The following STK32C variants were observed in gnomAD, a reference collection of about 807,000 sequenced individuals.
STK32C encodes serine/threonine-protein kinase 32C.
STK32C carries 31 observed loss-of-function variants against 56.5 expected under a neutral mutation model. The observed-to-expected ratio is 0.55, with a 90% CI of 0.41 to 0.74. STK32C has a LOEUF of 0.74. Among genes scored for constraint, STK32C ranks in the 30% least tolerant of loss-of-function variants. The pLI is 0.00. For missense variants in STK32C, 544 were observed against 676.9 expected (o/e 0.80, Z 2.18); for synonymous variants, 309 against 289.4 (o/e 1.07, Z -0.69).
chr10:132,250,052 C>G (rs1234371235), intron 1 of STK32C, among the ~76,000 whole-genome samples: 1 of 152,268 alleles, frequency 6.6e-6, no homozygotes, highest in African/African-American at 2.4e-5. Context: ...CAAGAGTGGT[C>G]CTGCAACCAC....
chr10:132,266,621 G>A (rs945079000), intron 1 of STK32C, among the ~76,000 whole-genome samples: 1 of 152,098 alleles, frequency 6.6e-6, no homozygotes, highest in Admixed American at 6.5e-5. Flanking sequence ...CCACGCCAAG[G>A]AGCCCTCAAT....
chr10:132,234,204 G>A (rs1288240888), intron 2 of STK32C, among the ~76,000 whole-genome samples: 3 of 152,148 alleles, frequency 2.0e-5, no homozygotes, highest in Admixed American at 6.5e-5. Context: ...TGCAGGATGT[G>A]CATAATCCGT....
chr10:132,253,124 G>A (rs900308533), intron 1 of STK32C, among the ~76,000 whole-genome samples: 1 of 152,244 alleles, frequency 6.6e-6, no homozygotes, highest in African/African-American at 2.4e-5. Flanking sequence ...CCTGTTCTCA[G>A]AGAGTTTTGC....
At chr10:132,236,901 G>A (rs752187654) in intron 2 of STK32C, among the ~76,000 whole-genome samples, 11 of 152,266 alleles carry the variant, frequency 7.2e-5, no homozygotes, top group South Asian at 2.1e-4. Flanking sequence ...TTGTGCCCCC[G>A]ACCTCCAAGT....
chr10:132,304,993 G>A (rs1019843925), intron 1 of STK32C, among the ~76,000 whole-genome samples: 10 of 152,194 alleles, frequency 6.6e-5, no homozygotes, highest in African/African-American at 9.7e-5. Context: ...GGAAGGTACC[G>A]GAGCCTCCTC....
chr10:132,231,221 G>A (rs1450527616), intron 2 of STK32C, among the ~76,000 whole-genome samples: 1 of 152,232 alleles, frequency 6.6e-6, no homozygotes, highest in Non-Finnish European at 1.5e-5. Flanking sequence ...CACACCCACG[G>A]CTCTGCTGTC....
At chr10:132,309,735 C>T (rs1387165471), upstream of STK32C, among the ~76,000 whole-genome samples, 1 of 152,188 alleles carries the variant, frequency 6.6e-6, no homozygotes, top group Non-Finnish European at 1.5e-5. Flanking sequence ...AGGGCAGTGC[C>T]TGGAACCCTG....
At chr10:132,331,532 A>G in exon 1 of STK32C, 1 of 1,612,920 alleles carries the variant, frequency 6.2e-7, no homozygotes, top group Non-Finnish European at 8.5e-7. Context: ...GCAAGTCCTG[A>G]GGCAAGATTT....
At chr10:132,313,776 A>G (rs1157452289) in intron 1 of STK32C, among the ~76,000 whole-genome samples, 1 of 150,556 alleles carries the variant, frequency 6.6e-6, no homozygotes, top group Non-Finnish European at 1.5e-5. Context: ...AGATTGAGGC[A>G]GGGAGTGGCA....
chr10:132,306,968 G>A (rs1239636464), intron 1 of STK32C: 1 of 152,344 alleles, frequency 6.6e-6, no homozygotes, highest in Admixed American at 6.5e-5. Context: ...CGGTCACTCA[G>A]GAGACACCAG....
chr10:132,208,111 C>A lies in STK32C; in HGVS notation c.1360G>T (p.Ala454Ser). The stretch of plus-strand genomic sequence containing the variant: ...TCCGCAGCATCCCTGGACTCAGGGG[C>A]GGGGAGAGGCTCCCTCGGGAGGTCC... ...SQDLPREPLPAPESRDAAEPV... is the reference protein window; with the variant it reads ...SQDLPREPLPSPESRDAAEPV... Residue 454 changes from alanine (A) to serine (S), a missense_variant, in exon 12 of 12, where the codon GCC (alanine) becomes TCC (serine). Ala to Ser is a moderately conservative substitution (Grantham distance 99). Coordinates refer to ENST00000298630, the MANE Select transcript of STK32C (RefSeq NM_173575.4). The A allele has an allele frequency of 7.6e-7, 1 of 1,310,908 alleles. No individual in the cohort carries two copies. The highest frequency in any genetic ancestry group is 9.8e-7 in the Non-Finnish European group (1 of 1,021,362). The allele number at this position is 1,310,908 out of a possible 1,614,324, so 81.2% of individuals were successfully genotyped here.
At chr10:132,220,589 A>G (rs2062606716) in intron 10 of STK32C, among the ~76,000 whole-genome samples, 1 of 152,214 alleles carries the variant, frequency 6.6e-6, no homozygotes, top group Non-Finnish European at 1.5e-5. Context: ...AACCCCATCC[A>G]TGCTGGAAGA....
upstream of STK32C, among the ~76,000 whole-genome samples, chr10:132,310,670 C>T (rs1279881134): frequency 1.3e-5 from 2 of 152,160 alleles, no homozygotes; most frequent in South Asian, 2.1e-4. This position sits in a 1 kb window ranked among gnomAD's most constrained non-coding sequence, Gnocchi z 4.6. Context: ...ATTAGGGCAG[C>T]GATGGTGTCT....
At chr10:132,219,570 C>T (rs1200444156) in intron 10 of STK32C, among the ~76,000 whole-genome samples, 1 of 152,220 alleles carries the variant, frequency 6.6e-6, no homozygotes, top group Non-Finnish European at 1.5e-5. Context: ...GGGGGCAATG[C>T]CAAAGAACCC....
chr10:132,226,962 G>A lies in STK32C; in HGVS notation c.477C>T (p.Ser159=). 2 of 1,613,250 alleles carry A rather than the reference G, an allele frequency of 1.2e-6. No individual in the cohort carries two copies. The highest frequency in any genetic ancestry group is 1.7e-6 in the Non-Finnish European group (2 of 1,180,004). ...EHVFLVNLWY[S]FQDEEDMFMV... Reference sequence around the variant, plus strand: ...TGAACATGTCCTCCTCGTCCTGGAAGGAGTACCTGTGGGCACCGATGGAAG... The same window carrying A: ...TGAACATGTCCTCCTCGTCCTGGAAAGAGTACCTGTGGGCACCGATGGAAG... Residue 159 remains serine, a synonymous_variant, in exon 4 of 12, where the codon TCC becomes TCT. Transcript: ENST00000298630.
upstream of STK32C, chr10:132,331,859 G>A (rs908645288): frequency 2.9e-6 from 4 of 1,389,264 alleles, no homozygotes; most frequent in Non-Finnish European, 3.9e-6. Flanking sequence ...TGCTACCGTT[G>A]GCCGCGTGCG....
intron 5 of STK32C, 34 bp from the exon 6 acceptor site, chr10:132,225,650 G>T (rs746467023): frequency 1.2e-6 from 2 of 1,608,192 alleles, no homozygotes; most frequent in Non-Finnish European, 1.7e-6. Flanking sequence ...GGCTGTCCCA[G>T]GACCAGAGAT....
chr10:132,316,861 T>A (rs540510976), intron 1 of STK32C, among the ~76,000 whole-genome samples: 3 of 152,042 alleles, frequency 2.0e-5, no homozygotes, highest in Admixed American at 6.6e-5. Flanking sequence ...TGAGACCATC[T>A]TGGCCAACAT....
chr10:132,294,241 C>G (rs2065666138), intron 1 of STK32C, among the ~76,000 whole-genome samples: 1 of 151,882 alleles, frequency 6.6e-6, no homozygotes, highest in Non-Finnish European at 1.5e-5. Context: ...GAGGATCCGC[C>G]AAGGAGGCCA....
Sources: allele counts gnomAD v4.1 joint callset (sites outside exome capture counted in the v4.1 genomes callset), GRCh38; gene constraint gnomAD v4.1.1; non-coding constraint Gnocchi (gnomAD v3.1); transcripts MANE v1.5; gene names NCBI Gene and HGNC (gene_info 2026-07-23, HGNC 2026-07-21).